The following ZNF385D variants were observed in gnomAD, a reference collection of about 807,000 sequenced individuals.
The protein encoded by ZNF385D is zinc finger protein 385D, also known as zinc finger protein 659.
Under a neutral mutation model 35.8 loss-of-function variants are expected in ZNF385D, and 15 were observed. That is an observed-to-expected ratio of 0.42 (90% CI 0.28 to 0.64). ZNF385D has a LOEUF of 0.64. Among genes scored for constraint, ZNF385D ranks in the 30% least tolerant of loss-of-function variants. ZNF385D has a pLI of 0.23. For missense variants in ZNF385D, 474 were observed against 494.6 expected (o/e 0.96, Z 0.39); for synonymous variants, 212 against 186.8 (o/e 1.13, Z -1.10).
intron 3 of ZNF385D, among the ~76,000 whole-genome samples, chr3:22,014,008 T>C (rs1163916990): frequency 6.6e-6 from 1 of 152,144 alleles, no homozygotes; most frequent in Non-Finnish European, 1.5e-5. Context: ...GCAGGACAGA[T>C]TGCAAAAACA....
At chr3:21,469,604 T>C (rs1396839876) in intron 4 of ZNF385D, among the ~76,000 whole-genome samples, 1 of 152,190 alleles carries the variant, frequency 6.6e-6, no homozygotes, top group Admixed American at 6.5e-5. Flanking sequence ...GGGAAAAGTT[T>C]TTAGTTTGTT....
intron 2 of ZNF385D, among the ~76,000 whole-genome samples, chr3:22,323,018 T>C (rs1694513695): frequency 1.3e-5 from 2 of 152,150 alleles, no homozygotes; most frequent in Non-Finnish European, 2.9e-5. Flanking sequence ...ACCGTACTCC[T>C]GAAAACGATA....
At chr3:21,500,460 A>G (rs2125437141) in intron 4 of ZNF385D, among the ~76,000 whole-genome samples, 1 of 152,280 alleles carries the variant, frequency 6.6e-6, no homozygotes, top group South Asian at 2.1e-4. Context: ...AGTGCTAGGA[A>G]TGAGTTTATG....
intron 2 of ZNF385D, among the ~76,000 whole-genome samples, chr3:21,656,632 G>GA (rs1409198425): frequency 2.0e-5 from 3 of 151,850 alleles, no homozygotes; most frequent in East Asian, 1.9e-4. Flanking sequence ...TTCAACATAT[G>GA]AAAATTTGAG....
intron 3 of ZNF385D, among the ~76,000 whole-genome samples, chr3:22,018,384 TC>T (rs1231268770): frequency 6.6e-6 from 1 of 151,974 alleles, no homozygotes; most frequent in Non-Finnish European, 1.5e-5. Context: ...TTTATATTTA[TC>T]TTGCTTTACA....
intron 3 of ZNF385D, among the ~76,000 whole-genome samples, chr3:22,113,114 C>G (rs1361118784): frequency 6.6e-6 from 1 of 152,026 alleles, no homozygotes; most frequent in Admixed American, 6.6e-5. Flanking sequence ...TAAGAAGCTG[C>G]TTGGTGCTAT....
At chr3:22,010,290 G>A (rs944377575) in intron 3 of ZNF385D, among the ~76,000 whole-genome samples, 1 of 152,192 alleles carries the variant, frequency 6.6e-6, no homozygotes, top group Non-Finnish European at 1.5e-5. Context: ...GATGTCACAA[G>A]ACTTGGAATA....
intron 3 of ZNF385D, among the ~76,000 whole-genome samples, chr3:21,887,005 C>T (rs1390162937): frequency 1.3e-5 from 2 of 151,904 alleles, no homozygotes; most frequent in African/African-American, 4.8e-5. Context: ...TCCTTTTTTG[C>T]CCCTCCAAGG....
upstream of ZNF385D, among the ~76,000 whole-genome samples, chr3:21,752,007 A>ACCCCCCCCCCCCCC (rs71044940): frequency 2.3e-5 from 2 of 88,578 alleles, no homozygotes; most frequent in African/African-American, 4.9e-5. Flanking sequence ...ACACACACCC[A>ACCCCCCCCCCCCCC]CCCCCCTCCC....
intron 3 of ZNF385D, among the ~76,000 whole-genome samples, chr3:21,786,022 C>CT (rs71901814): frequency 0.17 from 25,598 of 148,602 alleles, 2,228 homozygotes; most frequent in East Asian, 0.32. Flanking sequence ...TTACTTTACC[C>CT]TTTTTTTTTT....
chr3:21,796,650 A>G (rs7623337), intron 3 of ZNF385D, among the ~76,000 whole-genome samples: 35,405 of 152,166 alleles, frequency 0.23, 4,324 homozygotes, highest in East Asian at 0.42. Context: ...GTAAAATACA[A>G]AACTATAAAA....
At chr3:21,660,585 A>G (rs146885374) in intron 2 of ZNF385D, among the ~76,000 whole-genome samples, 1 of 152,322 alleles carries the variant, frequency 6.6e-6, no homozygotes, top group Non-Finnish European at 1.5e-5. Context: ...TGAAGAAAAT[A>G]CATATGTTAG....
At position 21,437,701 on chromosome 3, in the gene ZNF385D, CAAA is replaced by C. The variant is rs751739275; in HGVS notation, c.440-501_440-499del. On this transcript the variant is annotated intron_variant, in intron 4 of 7. Transcript: ENST00000281523. Reference sequence around the variant, plus strand: ...ACAGATCCTTTTGCAAATGCTTATACAAAAAAAAAAAAAAAAAACCGGAACCCT... The same window carrying C: ...ACAGATCCTTTTGCAAATGCTTATACAAAAAAAAAAAAAAACCGGAACCCT... Among the ~76,000 whole-genome samples the C allele has an allele frequency of 2.2e-4, 17 of 77,196 alleles. No individual in the cohort carries two copies. In the Admixed American group the frequency reaches 2.7e-3, roughly 12 times the overall value. The allele number at this position is 77,196 out of a possible 152,430, so 50.6% of individuals were successfully genotyped here.
intron 2 of ZNF385D, among the ~76,000 whole-genome samples, chr3:22,247,817 A>T (rs550835977): frequency 2.0e-5 from 3 of 151,898 alleles, no homozygotes; most frequent in Admixed American, 2.0e-4. Context: ...GTTGGCCAGG[A>T]TGGTGTTCAT....
chr3:22,124,276 T>C (rs1229201035), intron 3 of ZNF385D, among the ~76,000 whole-genome samples: 1 of 152,164 alleles, frequency 6.6e-6, no homozygotes, highest in African/African-American at 2.4e-5. Flanking sequence ...TTGTAATGGC[T>C]GAATAGTACT....
chr3:21,590,893 ATAAG>A (rs143808718), intron 2 of ZNF385D, among the ~76,000 whole-genome samples: 126 of 152,262 alleles, frequency 8.3e-4, no homozygotes, highest in Non-Finnish European at 1.0e-3. Flanking sequence ...CCGAAAATAA[ATAAG>A]TATGAAAAAT....
At chr3:22,113,595 C>T (rs1442470692) in intron 3 of ZNF385D, among the ~76,000 whole-genome samples, 2 of 152,056 alleles carry the variant, frequency 1.3e-5, no homozygotes, top group African/African-American at 2.4e-5. Flanking sequence ...AAAGGTAGTG[C>T]TGACTGAGAC....
intron 3 of ZNF385D, among the ~76,000 whole-genome samples, chr3:21,879,725 G>C (rs930915671): frequency 1.3e-5 from 2 of 151,978 alleles, no homozygotes; most frequent in African/African-American, 4.8e-5. Context: ...TCATTGAAAA[G>C]GGCACCAGAG....
chr3:21,648,591 C>T (rs376970895), intron 2 of ZNF385D, among the ~76,000 whole-genome samples: 7 of 152,092 alleles, frequency 4.6e-5, no homozygotes, highest in African/African-American at 1.4e-4. Context: ...TTGATAACAA[C>T]TGGAAAAAGA....
Sources: gnomAD v4.1 joint callset for allele counts (sites outside exome capture counted in the v4.1 genomes callset) on GRCh38, gnomAD v4.1.1 for gene constraint, MANE v1.5 for transcripts, NCBI Gene and HGNC (gene_info 2026-07-23, HGNC 2026-07-21) for gene names.